The following DYM variants were observed in gnomAD, a reference collection of about 807,000 sequenced individuals.
DYM encodes the protein dyggve-Melchior-Clausen syndrome protein.
A neutral mutation model predicts 93.1 loss-of-function variants in DYM; 78 were observed. The observed-to-expected ratio is 0.84, with a 90% CI of 0.70 to 1.01. The LOEUF (loss-of-function observed/expected upper bound fraction) is 1.01. Ranked by LOEUF, DYM falls within the 50% of genes least tolerant of loss-of-function variation. DYM has a pLI of 0.00. For missense variants in DYM, 789 were observed against 845.0 expected (o/e 0.93, Z 0.82); for synonymous variants, 321 against 319.7 (o/e 1.00, Z -0.04).
intron 17 of DYM, among the ~76,000 whole-genome samples, chr18:49,092,496 C>A (rs2079134227): frequency 6.6e-6 from 1 of 152,212 alleles, no homozygotes; most frequent in African/African-American, 2.4e-5. Context: ...CTCAGCTCTG[C>A]AACGCAAGGG....
At chr18:49,352,139 T>C (rs1237704301) in intron 6 of DYM, among the ~76,000 whole-genome samples, 1 of 152,240 alleles carries the variant, frequency 6.6e-6, no homozygotes, top group Non-Finnish European at 1.5e-5. Flanking sequence ...TGTGATACGA[T>C]ACAATTTGTA....
At chr18:49,437,825 A>G (rs1466794913) in intron 1 of DYM, among the ~76,000 whole-genome samples, 1 of 152,190 alleles carries the variant, frequency 6.6e-6, no homozygotes, top group Non-Finnish European at 1.5e-5. Context: ...TAAGACCATT[A>G]CCTGCTCATA....
rs757748594 is a variant in DYM at position 49,333,832 on chromosome 18, T to C, written c.516A>G (p.Ser172=). 3 of 1,611,578 alleles carry C rather than the reference T, an allele frequency of 1.9e-6. No individual in the cohort carries two copies. In the African/African-American group the frequency reaches 4.0e-5, roughly 21 times the overall value. The part of the protein sequence containing the change: ...IPLLDITYEI[S]VEAISTMVVF... ...CAACCATTGTTGATATAGCTTCTAC[T>C]GATATTTCATATGTAATATCTCTAA... Residue 172 remains serine (S), a synonymous_variant, in exon 7 of 18, where the codon TCA becomes TCG. Transcript: ENST00000675505.
chr18:49,236,101 T>A (rs2093852714), intron 13 of DYM, among the ~76,000 whole-genome samples: 1 of 152,144 alleles, frequency 6.6e-6, no homozygotes, highest in African/African-American at 2.4e-5. Context: ...ATTAAAACCT[T>A]TTTAAAAAAC....
intron 6 of DYM, among the ~76,000 whole-genome samples, chr18:49,356,282 C>A (rs765049075): frequency 3.9e-5 from 6 of 152,146 alleles, no homozygotes; most frequent in Non-Finnish European, 8.8e-5. Flanking sequence ...CAGTAACAAT[C>A]TTGGTTTTTT....
Position 49,234,160 on chromosome 18 carries a change from G to A in DYM, c.1460+22850C>T, listed in dbSNP as rs114021576. On this transcript the variant is annotated intron_variant, in intron 13 of 17. Transcript: ENST00000675505. ...ACAACAACAACAACAAAACTGAAGAGTTACTCAGTGCTGGCCATGCATGGT... is the reference window on the plus strand; with the variant it reads ...ACAACAACAACAACAAAACTGAAGAATTACTCAGTGCTGGCCATGCATGGT... Among the ~76,000 whole-genome samples the A allele has an allele frequency of 9.9e-3, 1,485 of 150,006 alleles. 23 individuals are homozygous for A. Among genetic ancestry groups the A allele is most frequent in the African/African-American group, 0.035 (1,421 of 40,822 alleles).
In DYM at chr18:49,391,606, G is replaced by T; in HGVS notation, c.180C>A (p.Val60=). The change falls in exon 3 of 18, where the codon GTC becomes GTA. Residue 60 remains valine (V), a synonymous_variant. Transcript: ENST00000675505. ...LKLLEEATIS[V]CRSLVENNPR... is the part of the protein sequence containing the mutation. ...TTTCCCACTTACCTAATGACCTGCA[G>T]ACTGAAATGGTTGCTTCCTCCAAGA... is the stretch of plus-strand genomic sequence containing the variant. 6.2e-7 allele frequency: 1 copy of T among 1,613,508 alleles called. No individual in the cohort carries two copies.
rs3084549 is a variant in DYM at position 49,254,281 on chromosome 18, CATATATATATAT to C, written c.1460+2717_1460+2728del. On this transcript the variant is annotated intron_variant, in intron 13 of 17. Transcript: ENST00000675505. ...TCTGCTGTATAAAAGATCCTTGTAT[CATATATATATAT>C]ATATATATATATATATATATATATA... 4.2e-3 allele frequency among the ~76,000 whole-genome samples: 576 copies of C among 136,564 alleles called. 10 individuals carry two copies. The highest frequency in any genetic ancestry group is 0.014 in the African/African-American group (514 of 36,634). The allele number at this position is 136,564 out of a possible 152,430, so 89.6% of individuals were successfully genotyped here.
chr18:49,166,575 G>A (rs900717927), intron 14 of DYM, among the ~76,000 whole-genome samples: 4 of 151,400 alleles, frequency 2.6e-5, no homozygotes, highest in South Asian at 2.1e-4. Flanking sequence ...CCATATTTTC[G>A]AGTATGTAAA....
At chr18:49,209,881 A>C (rs569184945) in intron 13 of DYM, among the ~76,000 whole-genome samples, 166 bp from the exon 14 acceptor site, 1 of 152,352 alleles carries the variant, frequency 6.6e-6, no homozygotes, top group South Asian at 2.1e-4. Context: ...ATGAACAATC[A>C]GAATAAAAAA....
intron 1 of DYM, among the ~76,000 whole-genome samples, chr18:49,440,359 T>C (rs1347374400): frequency 7.6e-6 from 1 of 131,924 alleles, no homozygotes; most frequent in Non-Finnish European, 1.6e-5. Flanking sequence ...ATATAGTATA[T>C]GATATATAAT....
intron 13 of DYM, among the ~76,000 whole-genome samples, chr18:49,228,714 T>C (rs1393294825): frequency 2.0e-5 from 3 of 152,188 alleles, no homozygotes; most frequent in Admixed American, 6.5e-5. Flanking sequence ...GAAGGCTACC[T>C]ATCCTTTTTC....
intron 2 of DYM, among the ~76,000 whole-genome samples, chr18:49,403,623 C>T (rs1221375709): frequency 3.3e-5 from 5 of 151,688 alleles, no homozygotes; most frequent in Non-Finnish European, 4.4e-5. Flanking sequence ...TCAGAGTGTA[C>T]GTGTGCAGGT....
At chr18:49,292,078 T>G (rs1386127955) in intron 8 of DYM, among the ~76,000 whole-genome samples, 2 of 151,976 alleles carry the variant, frequency 1.3e-5, no homozygotes, top group Admixed American at 6.6e-5. Context: ...AATAGAAGTG[T>G]TTTTTGGATC....
Position 49,378,475 on chromosome 18 carries a change from T to G in DYM, c.421+92A>C. ...TTAAAATGAAAATTATAAGGATAAC[T>G]GGAATTTTCAAAATCATACTTTTAT... is the stretch of plus-strand genomic sequence containing the variant. On this transcript the variant is annotated intron_variant, in intron 5 of 17. Transcript: ENST00000675505. 2.4e-6 allele frequency: 3 copies of G among 1,242,434 alleles called. No individual in the cohort carries two copies. In the South Asian group the frequency reaches 3.9e-5, roughly 16 times the overall value. 77.0% of individuals were successfully genotyped at this position (1,242,434 alleles called of 1,614,324 possible).
At chr18:49,440,441 G>A (rs1315342538) in intron 1 of DYM, among the ~76,000 whole-genome samples, 5 of 90,594 alleles carry the variant, frequency 5.5e-5, no homozygotes, top group African/African-American at 1.5e-4. Context: ...GGAGTAAAGT[G>A]ACTATATATT....
intron 3 of DYM, 84 bp from the exon 4 acceptor site, chr18:49,379,842 T>C: frequency 8.7e-7 from 1 of 1,153,854 alleles, no homozygotes; most frequent in East Asian, 2.4e-5. Flanking sequence ...TAAAACCAAA[T>C]GTCATATTAA....
At chr18:49,203,138 G>GC (rs1478744293) in intron 14 of DYM, among the ~76,000 whole-genome samples, 1 of 76,032 alleles carries the variant, frequency 1.3e-5, no homozygotes, top group Non-Finnish European at 2.7e-5. Context: ...GATGTGAGGA[G>GC]CCCCTCTGCC....
intron 14 of DYM, among the ~76,000 whole-genome samples, chr18:49,204,498 T>C (rs1198621056): frequency 6.6e-6 from 1 of 152,182 alleles, no homozygotes; most frequent in Non-Finnish European, 1.5e-5. Flanking sequence ...TAAAGACAAA[T>C]AGGTACTTTC....
Sources: allele counts gnomAD v4.1 joint callset (sites outside exome capture counted in the v4.1 genomes callset), GRCh38; gene constraint gnomAD v4.1.1; transcripts MANE v1.5; gene names NCBI Gene and HGNC (gene_info 2026-07-23, HGNC 2026-07-21).